The following TNRC6A variants were observed in gnomAD, a reference collection of about 807,000 sequenced individuals.
TNRC6A encodes trinucleotide repeat containing adaptor 6A.
TNRC6A carries 44 observed loss-of-function variants against 221.2 expected under a neutral mutation model. The ratio of observed to expected loss-of-function variants is 0.20; its 90% CI spans 0.16 to 0.26. The LOEUF (loss-of-function observed/expected upper bound fraction) is 0.26. TNRC6A is among the 10% of genes least tolerant of loss of function. The pLI is 1.00. For synonymous variants in TNRC6A, 847 were observed against 838.5 expected (o/e 1.01, Z -0.18); for missense variants, 2,199 against 2,404.4 (o/e 0.91, Z 1.79).
In TNRC6A at chr16:24,617,061, G is replaced by A. The variant is rs1900392510; in HGVS notation, n.276+6577G>A. Among the ~76,000 whole-genome samples the A allele has an allele frequency of 2.0e-5, 3 of 152,084 alleles. No individual in the cohort carries two copies. In the South Asian group the frequency reaches 6.2e-4, roughly 32 times the overall value. ...GCGCTTGTTTTCTCAGTAAGAGAGA[G>A]AAATGTGCCAAAATCTTTAACTGTA... On this transcript the variant is annotated intron_variant and non_coding_transcript_variant, in intron 1 of 2. Transcript: ENST00000566108.
chr16:24,621,938 G>T (rs1389815945), intron 1 of TNRC6A, among the ~76,000 whole-genome samples: 4 of 152,170 alleles, frequency 2.6e-5, no homozygotes, highest in Non-Finnish European at 5.9e-5. Flanking sequence ...TGGAAAGCAA[G>T]GCTATGAGTA....
At chr16:24,718,940 G>A (rs930472231) in intron 2 of TNRC6A, among the ~76,000 whole-genome samples, 26 of 151,820 alleles carry the variant, frequency 1.7e-4, no homozygotes, top group Non-Finnish European at 3.2e-4. Context: ...AAGAGGCTGA[G>A]GCAGGAGAAT....
chr16:24,696,769 GGGAAA>G (rs1369225192), intron 2 of TNRC6A, among the ~76,000 whole-genome samples: 1 of 134,628 alleles, frequency 7.4e-6, no homozygotes, highest in East Asian at 2.2e-4. Flanking sequence ...AGGAAGGGAA[GGGAAA>G]GGGGAGGGGG....
intron 2 of TNRC6A, among the ~76,000 whole-genome samples, chr16:24,720,714 AAG>A (rs2056394497): frequency 6.9e-6 from 1 of 145,004 alleles, no homozygotes; most frequent in Non-Finnish European, 1.5e-5. Flanking sequence ...AAAAGAAAGA[AAG>A]AAAAAAAAAA....
chr16:24,748,906 G>A (rs1398654957), intron 2 of TNRC6A, among the ~76,000 whole-genome samples: 3 of 151,752 alleles, frequency 2.0e-5, no homozygotes, highest in East Asian at 1.9e-4. Flanking sequence ...ACAGAGTCTT[G>A]CTCTGTCGCC....
At chr16:24,753,597 C>T (rs2057184422) in intron 3 of TNRC6A, among the ~76,000 whole-genome samples, 1 of 152,124 alleles carries the variant, frequency 6.6e-6, no homozygotes, top group South Asian at 2.1e-4. Flanking sequence ...CCAAATGACA[C>T]ACTTATAGCC....
chr16:24,791,671 A>G lies in TNRC6A; in HGVS notation c.3029A>G (p.Asp1010Gly). The G allele has an allele frequency of 6.2e-7, 1 of 1,613,830 alleles. No individual in the cohort carries two copies. The highest frequency in any genetic ancestry group is 1.1e-5 in the South Asian group (1 of 91,000). The change falls in exon 6 of 25, where the codon GAT becomes GGT. Residue 1010 changes from aspartate to glycine, a missense_variant. By Grantham distance (94) the Asp-to-Gly change is moderately conservative. Coordinates refer to ENST00000395799, the MANE Select transcript of TNRC6A (RefSeq NM_014494.4). ...EIDDGTSAWG[D>G]PSKYNYKNVN... ...GATGATGGAACTTCAGCTTGGGGAG[A>G]TCCAAGCAAATACAACTACAAAAAT...
intron 2 of TNRC6A, among the ~76,000 whole-genome samples, chr16:24,689,169 C>T (rs1014121833): frequency 1.3e-5 from 2 of 152,174 alleles, no homozygotes; most frequent in Admixed American, 6.5e-5. Context: ...CTGATATAAA[C>T]GTGGGAATCT....
At chr16:24,672,041 G>A (rs2055313717) in intron 2 of TNRC6A, among the ~76,000 whole-genome samples, 2 of 152,194 alleles carry the variant, frequency 1.3e-5, no homozygotes, top group South Asian at 4.1e-4. Flanking sequence ...GTGAGATTGT[G>A]TTAGGAAATC....
At chr16:24,675,702 C>CTCTCTA (rs1180245687) in intron 2 of TNRC6A, among the ~76,000 whole-genome samples, 82 of 33,258 alleles carry the variant, frequency 2.5e-3, no homozygotes, top group Non-Finnish European at 3.4e-3. Flanking sequence ...CTCTCTCTCT[C>CTCTCTA]TATATATATA....
chr16:24,746,689 A>G (rs954419587), intron 2 of TNRC6A, among the ~76,000 whole-genome samples: 64 of 152,224 alleles, frequency 4.2e-4, no homozygotes, highest in African/African-American at 1.5e-3. Context: ...GATACTTCCA[A>G]ATTGCTCACC....
intron 17 of TNRC6A, among the ~76,000 whole-genome samples, chr16:24,808,694 T>G (rs1281457319): frequency 6.6e-6 from 1 of 152,234 alleles, no homozygotes; most frequent in Non-Finnish European, 1.5e-5. Context: ...ACCAGAGAAT[T>G]TAAAACAATT....
intron 1 of TNRC6A, 41 bp downstream of exon 1, chr16:24,729,887 C>G (rs1354618438): frequency 2.3e-5 from 28 of 1,238,646 alleles, no homozygotes; most frequent in Non-Finnish European, 2.6e-5. Flanking sequence ...GGAGGAGCCG[C>G]GGGCGCTGCC....
chr16:24,649,814 CTCTTT>C, intron 2 of TNRC6A, among the ~76,000 whole-genome samples: 2 of 138,088 alleles, frequency 1.4e-5, no homozygotes, highest in South Asian at 4.6e-4. Context: ...GTCTCTCTCT[CTCTTT>C]TTTTTTTTTT....
chr16:24,738,011 T>G (rs1161943633), intron 2 of TNRC6A, among the ~76,000 whole-genome samples: 1 of 152,214 alleles, frequency 6.6e-6, no homozygotes, highest in Non-Finnish European at 1.5e-5. Flanking sequence ...AGGCATATAG[T>G]GAAAATCTTA....
intron 2 of TNRC6A, among the ~76,000 whole-genome samples, chr16:24,648,273 A>ATTTTTTTTTTTTTTT (rs1902398993): frequency 1.9e-5 from 1 of 51,742 alleles, no homozygotes; most frequent in African/African-American, 1.4e-4. Context: ...TTCCACAGCA[A>ATTTTTTTTTTTTTTT]CTTTTTTTTT....
intron 2 of TNRC6A, among the ~76,000 whole-genome samples, chr16:24,742,716 G>A (rs1347005798): frequency 2.0e-5 from 3 of 152,208 alleles, no homozygotes; most frequent in Non-Finnish European, 4.4e-5. Flanking sequence ...GACGTCAGGA[G>A]TTTGAGACCA....
At chr16:24,751,035 C>T (rs2057125444) in intron 3 of TNRC6A, among the ~76,000 whole-genome samples, 2 of 152,106 alleles carry the variant, frequency 1.3e-5, no homozygotes, top group African/African-American at 2.4e-5. Flanking sequence ...AAGGTAAGTA[C>T]ATTTTATGGA....
At position 24,648,760 on chromosome 16, in the gene TNRC6A, T is replaced by C. The variant is rs74013282; in HGVS notation, n.402+7751T>C. Among the ~76,000 whole-genome samples, 609 of 152,358 alleles carry C rather than the reference T, an allele frequency of 4.0e-3. 5 individuals carry two copies. The highest frequency in any genetic ancestry group is 0.013 in the African/African-American group (529 of 41,582). ...AGTGTCAAGGGATGTTGAGCATCTTTTCATGTGCTTCGTTAGTTCTTTCTT... is the reference window on the plus strand; with the variant it reads ...AGTGTCAAGGGATGTTGAGCATCTTCTCATGTGCTTCGTTAGTTCTTTCTT... On this transcript the variant is annotated intron_variant and non_coding_transcript_variant, in intron 2 of 2. Coordinates refer to the TNRC6A transcript ENST00000566108.
Sources: gnomAD v4.1 joint callset for allele counts (sites outside exome capture counted in the v4.1 genomes callset) on GRCh38, gnomAD v4.1.1 for gene constraint, MANE v1.5 for transcripts, NCBI Gene and HGNC (gene_info 2026-07-23, HGNC 2026-07-21) for gene names.